The following NEDD9 variants were observed in gnomAD, a reference collection of about 807,000 sequenced individuals.
The protein encoded by NEDD9 is neural precursor cell expressed, developmentally down-regulated 9, also known as enhancer of filamentation 1.
A neutral mutation model predicts 76.6 loss-of-function variants in NEDD9; 26 were observed. The ratio of observed to expected loss-of-function variants is 0.34; its 90% CI spans 0.25 to 0.47. The LOEUF is 0.47. Ranked by LOEUF, NEDD9 falls within the 20% of genes least tolerant of loss-of-function variation. NEDD9 has a pLI of 1.00. For synonymous variants in NEDD9, 392 were observed against 414.2 expected (o/e 0.95, Z 0.65); for missense variants, 937 against 1,058.5 (o/e 0.89, Z 1.59).
intron 1 of NEDD9, chr6:11,352,557 C>T (rs955114940): frequency 2.6e-5 from 4 of 152,230 alleles, no homozygotes; most frequent in Non-Finnish European, 5.9e-5. Context: ...CCACCAGCAA[C>T]ATGGCATCAT....
At chr6:11,336,226 T>C (rs1470209217) in intron 1 of NEDD9, among the ~76,000 whole-genome samples, 1 of 152,242 alleles carries the variant, frequency 6.6e-6, no homozygotes, top group African/African-American at 2.4e-5. Context: ...ACTATAGTGA[T>C]ATAATTATAG....
intron 1 of NEDD9, among the ~76,000 whole-genome samples, chr6:11,376,705 T>C (rs1157763929): frequency 6.6e-6 from 1 of 152,230 alleles, no homozygotes; most frequent in Non-Finnish European, 1.5e-5. Context: ...ATTTGCAGCC[T>C]GGCTCTGTGG....
At chr6:11,373,855 T>G (rs1018539666) in intron 1 of NEDD9, among the ~76,000 whole-genome samples, 2 of 152,136 alleles carry the variant, frequency 1.3e-5, no homozygotes, top group African/African-American at 4.8e-5. Context: ...TAGGTGGGCC[T>G]CCAATCAGTT....
At chr6:11,351,500 C>T (rs574782036) in intron 1 of NEDD9, among the ~76,000 whole-genome samples, 4 of 152,182 alleles carry the variant, frequency 2.6e-5, no homozygotes, top group Admixed American at 6.5e-5. Flanking sequence ...TCTCTGAGGC[C>T]GGTCATCAGT....
chr6:11,296,116 G>GA (rs1760880035), intron 3 of NEDD9, among the ~76,000 whole-genome samples: 1 of 152,114 alleles, frequency 6.6e-6, no homozygotes, highest in Non-Finnish European at 1.5e-5. Context: ...CACACAGGGA[G>GA]AAGATGAAGG....
At position 11,252,733 on chromosome 6, in the gene NEDD9, A is replaced by G. The variant is rs1402431015; in HGVS notation, c.13-39006T>C. On this transcript the variant is annotated intron_variant, in intron 3 of 3. Transcript: ENST00000397378. This position sits in a 1 kb window ranked among gnomAD's most constrained non-coding sequence, Gnocchi z 4.3. ...CTAGCCTGCAGTTTCATTTTCCCAG[A>G]AAAAAAAAACAACTCTGTCTCTTAA... Among the ~76,000 whole-genome samples, 9 of 148,516 alleles carry G rather than the reference A, an allele frequency of 6.1e-5. No individual in the cohort carries two copies. The highest frequency in any genetic ancestry group is 1.3e-4 in the Non-Finnish European group (9 of 67,236).
intron 1 of NEDD9, among the ~76,000 whole-genome samples, chr6:11,215,768 G>T (rs1758936346): frequency 6.6e-6 from 1 of 152,176 alleles, no homozygotes; most frequent in Non-Finnish European, 1.5e-5. Flanking sequence ...TTGTATGGGA[G>T]CTGAGGGTTG....
chr6:11,235,346 C>A (rs1759576713), upstream of NEDD9, among the ~76,000 whole-genome samples: 1 of 152,074 alleles, frequency 6.6e-6, no homozygotes, highest in Non-Finnish European at 1.5e-5. The surrounding 1 kb of genome is among the most constrained non-coding windows in gnomAD (Gnocchi z 4.1). Flanking sequence ...GGAGGAACCC[C>A]TTCTCTGTGT....
intron 3 of NEDD9, among the ~76,000 whole-genome samples, chr6:11,281,109 A>T (rs1434486968): frequency 1.3e-5 from 2 of 152,234 alleles, no homozygotes; most frequent in Non-Finnish European, 2.9e-5. Flanking sequence ...TATTTGTATC[A>T]TTGCTGTGGA....
intron 1 of NEDD9, among the ~76,000 whole-genome samples, chr6:11,345,542 A>C (rs1474138966): frequency 1.3e-5 from 2 of 152,100 alleles, no homozygotes; most frequent in South Asian, 2.1e-4. Context: ...TGGAGCCAGG[A>C]TCTCCGCACA....
intron 1 of NEDD9, chr6:11,352,130 C>T (rs893983199): frequency 6.6e-6 from 1 of 152,252 alleles, no homozygotes; most frequent in Non-Finnish European, 1.5e-5. Flanking sequence ...ACGTTCCCAA[C>T]CTCTGAAGAC....
At position 11,318,586 on chromosome 6, in the gene NEDD9, A is replaced by AG. The variant is rs568970800; in HGVS notation, c.-152-12432dup. 3.9e-5 allele frequency among the ~76,000 whole-genome samples: 6 copies of AG among 152,236 alleles called. No homozygotes were observed. In the South Asian group the frequency reaches 1.2e-3, roughly 32 times the overall value. On this transcript the variant is annotated intron_variant, in intron 2 of 3. Transcript: ENST00000397378. ...AGCTTGGCTTGTTTTCTTGTTACTC[A>AG]GGGGCTGTTGCTAGCATAAGGTCAT... is the stretch of plus-strand genomic sequence containing the variant.
Position 11,252,618 on chromosome 6 carries a change from CTATT to C in NEDD9, c.13-38895_13-38892del, listed in dbSNP as rs1382376020. Reference sequence around the variant, plus strand: ...ACATCTTAGGTCCATGTCACTTACACTATTTAGTTATATAGAGCCTTCTGCACAA... The same window carrying C: ...ACATCTTAGGTCCATGTCACTTACACTAGTTATATAGAGCCTTCTGCACAA... On this transcript the variant is annotated intron_variant, in intron 3 of 3. Transcript: ENST00000397378. The surrounding 1 kb of genome is among the most constrained non-coding windows in gnomAD (Gnocchi z 4.3). Among the ~76,000 whole-genome samples the C allele has an allele frequency of 2.0e-5, 3 of 152,034 alleles. No individual in the cohort carries two copies. Among genetic ancestry groups the C allele is most frequent in the Non-Finnish European group, 4.4e-5 (3 of 68,016 alleles).
At chr6:11,269,811 A>AAAAC (rs111917493) in intron 3 of NEDD9, among the ~76,000 whole-genome samples, 17,497 of 151,860 alleles carry the variant, frequency 0.12, 1,138 homozygotes, top group Middle Eastern at 0.17. Flanking sequence ...AAACCATTAA[A>AAAAC]AAACAAACAA....
At chr6:11,282,921 A>G (rs1010447506) in intron 3 of NEDD9, among the ~76,000 whole-genome samples, 3 of 152,210 alleles carry the variant, frequency 2.0e-5, no homozygotes, top group Non-Finnish European at 4.4e-5. Context: ...CGCTTGGAAT[A>G]TACAGAAAAG....
intron 2 of NEDD9, among the ~76,000 whole-genome samples, chr6:11,307,538 G>C (rs989514809): frequency 1.3e-5 from 2 of 152,060 alleles, no homozygotes; most frequent in African/African-American, 4.8e-5. Flanking sequence ...CTCACACCTT[G>C]AGGCATTTTA....
At chr6:11,204,208 G>A (rs959120591) in intron 2 of NEDD9, among the ~76,000 whole-genome samples, 36 of 152,188 alleles carry the variant, frequency 2.4e-4, no homozygotes, top group African/African-American at 8.2e-4. Flanking sequence ...GCAGTGCAGC[G>A]GTATACGTTT....
At chr6:11,369,354 T>C (rs947678285) in intron 1 of NEDD9, among the ~76,000 whole-genome samples, 3 of 152,162 alleles carry the variant, frequency 2.0e-5, no homozygotes, top group African/African-American at 7.2e-5. Context: ...AAAACAAAAA[T>C]GGTCAAAAGA....
intron 2 of NEDD9, among the ~76,000 whole-genome samples, chr6:11,310,248 G>A (rs140613480): frequency 5.3e-5 from 8 of 152,262 alleles, no homozygotes; most frequent in Admixed American, 1.3e-4. Context: ...CATGCGCTCC[G>A]AAAGCAAGGG....
Sources: gnomAD v4.1 joint callset for allele counts (sites outside exome capture counted in the v4.1 genomes callset) on GRCh38, gnomAD v4.1.1 for gene constraint, Gnocchi (gnomAD v3.1) non-coding constraint, MANE v1.5 for transcripts, NCBI Gene and HGNC (gene_info 2026-07-23, HGNC 2026-07-21) for gene names.